Variants in ARHGAP15 observed in about 807,000 individuals in gnomAD.
ARHGAP15 encodes Rho GTPase activating protein 15.
Under a neutral mutation model 63.7 loss-of-function variants are expected in ARHGAP15, and 51 were observed. The observed-to-expected ratio is 0.80, with a 90% CI of 0.64 to 1.01. The LOEUF (loss-of-function observed/expected upper bound fraction) is 1.01, where lower values mean the gene tolerates loss of function less well. Among genes scored for constraint, ARHGAP15 ranks in the 50% least tolerant of loss-of-function variants. The pLI, the probability that ARHGAP15 is intolerant of heterozygous loss-of-function variation, is 0.00. For synonymous variants in ARHGAP15, 191 were observed against 193.8 expected, an observed-to-expected ratio of 0.99 and a Z score of 0.12; for missense variants, 560 against 564.6, an observed-to-expected ratio of 0.99 and a Z score of 0.08.
At chr2:143,687,861 G>T (rs1039908664) in intron 12 of ARHGAP15, among the ~76,000 whole-genome samples, 1 of 152,086 alleles carries the variant, frequency 6.6e-6, no homozygotes, top group Non-Finnish European at 1.5e-5. Context: ...TAACTTATCA[G>T]TTAATATTTT....
chr2:143,463,569 GA>G (rs1358464308), intron 8 of ARHGAP15, among the ~76,000 whole-genome samples: 1 of 151,822 alleles, frequency 6.6e-6, no homozygotes, highest in Non-Finnish European at 1.5e-5. Context: ...ATGTCTTATA[GA>G]TAGGGGTGTC....
intron 1 of ARHGAP15, among the ~76,000 whole-genome samples, chr2:143,132,748 C>T (rs891299429): frequency 6.6e-6 from 1 of 152,188 alleles, no homozygotes; most frequent in Admixed American, 6.5e-5. Context: ...CCTCAAAATT[C>T]TACTACGGAG....
chr2:143,136,838 G>T (rs1199831546), intron 1 of ARHGAP15, among the ~76,000 whole-genome samples: 1 of 151,850 alleles, frequency 6.6e-6, no homozygotes, highest in East Asian at 1.9e-4. Context: ...GAAATCTTAG[G>T]CTCTTATTGA....
At chr2:143,419,727 AAG>A (rs1287010561) in intron 6 of ARHGAP15, among the ~76,000 whole-genome samples, 4 of 152,078 alleles carry the variant, frequency 2.6e-5, no homozygotes, top group East Asian at 1.9e-4. Context: ...ATTAAATACT[AAG>A]AGGGATATTT....
chr2:143,513,911 A>G (rs1000994354), intron 9 of ARHGAP15, among the ~76,000 whole-genome samples: 10 of 152,150 alleles, frequency 6.6e-5, no homozygotes, highest in Admixed American at 2.0e-4. Flanking sequence ...GTGACCTTTC[A>G]CAAATAACTC....
At chr2:143,209,652 T>C (rs1429945451) in intron 3 of ARHGAP15, among the ~76,000 whole-genome samples, 3 of 151,974 alleles carry the variant, frequency 2.0e-5, no homozygotes, top group Non-Finnish European at 2.9e-5. Flanking sequence ...TTTTGCAAGA[T>C]TGATGGAGTT....
chr2:143,364,220 C>A (rs1265625187), intron 6 of ARHGAP15, among the ~76,000 whole-genome samples: 3 of 148,156 alleles, frequency 2.0e-5, no homozygotes, highest in South Asian at 2.3e-4. Context: ...AAAAAAAAAA[C>A]ATTCAATCAT....
chr2:143,344,637 C>T (rs761175742), intron 6 of ARHGAP15, among the ~76,000 whole-genome samples: 2 of 152,088 alleles, frequency 1.3e-5, no homozygotes, highest in African/African-American at 2.4e-5. Context: ...TTAGTAAATT[C>T]TGACCATTCC....
chr2:143,742,570 TGAAA>T (rs1477616782), intron 13 of ARHGAP15, among the ~76,000 whole-genome samples: 3 of 152,128 alleles, frequency 2.0e-5, no homozygotes, highest in African/African-American at 4.8e-5. Flanking sequence ...GAAACCAGAA[TGAAA>T]GAAAGGTTTA....
At chr2:143,319,235 T>C (rs1225201611) in intron 6 of ARHGAP15, among the ~76,000 whole-genome samples, 1 of 151,894 alleles carries the variant, frequency 6.6e-6, no homozygotes, top group Non-Finnish European at 1.5e-5. Context: ...CGCCTTTTTT[T>C]TTTTTTTAAT....
At position 143,425,046 on chromosome 2, in the gene ARHGAP15, A is replaced by C. The variant is rs1363413299; in HGVS notation, c.475-10555A>C. On this transcript the variant is annotated intron_variant, in intron 6 of 13. Transcript: ENST00000295095. ...TTGCCTTCAGCATTATCATAGTTTC[A>C]ACAATAAATTATATAGTCACCCTAC... Among the ~76,000 whole-genome samples, 7 of 152,248 alleles carry C rather than the reference A, an allele frequency of 4.6e-5. No individual in the cohort carries two copies. The South Asian group carries it at 1.2e-3, about 27-fold the overall frequency.
chr2:143,198,779 A>G (rs1213804159), intron 2 of ARHGAP15, among the ~76,000 whole-genome samples: 1 of 152,170 alleles, frequency 6.6e-6, no homozygotes, highest in Non-Finnish European at 1.5e-5. Context: ...TGCAACTGAC[A>G]TAGTTAAAGG....
intron 12 of ARHGAP15, 82 bp from the exon 13 acceptor site, chr2:143,703,337 T>C: frequency 2.7e-6 from 3 of 1,125,404 alleles, no homozygotes; most frequent in Non-Finnish European, 3.7e-6. Flanking sequence ...AGTCCAAAAT[T>C]TTCTCAAGAA....
chr2:143,722,716 G>A lies in ARHGAP15; in HGVS notation c.1244+19192G>A, dbSNP rs1193380608. 5.3e-5 allele frequency among the ~76,000 whole-genome samples: 8 copies of A among 152,230 alleles called. No individual in the cohort carries two copies. In the East Asian group the frequency reaches 1.5e-3, roughly 29 times the overall value. On this transcript the variant is annotated intron_variant, in intron 13 of 13. Transcript: ENST00000295095. Reference sequence around the variant, plus strand: ...AGAGTTGAGAAGTCTCCAGTGAAAGGTGGAGCTGGTGAGATTTGGATGTTC... The same window carrying A: ...AGAGTTGAGAAGTCTCCAGTGAAAGATGGAGCTGGTGAGATTTGGATGTTC...
Position 143,525,725 on chromosome 2 carries a change from G to A in ARHGAP15, c.925+6361G>A, listed in dbSNP as rs944988056. Among the ~76,000 whole-genome samples, 5 of 152,198 alleles carry A rather than the reference G, an allele frequency of 3.3e-5. No individual in the cohort carries two copies. The East Asian group carries it at 5.8e-4, about 18-fold the overall frequency. On this transcript the variant is annotated intron_variant, in intron 10 of 13. Transcript: ENST00000295095. ...GGAATTGGCTCTTTGGGGTAGTCAC[G>A]CTGGGGCCTCTGTGTCTGTAAGAAA...
intron 12 of ARHGAP15, among the ~76,000 whole-genome samples, chr2:143,700,286 T>A (rs1457030782): frequency 6.6e-6 from 1 of 152,196 alleles, no homozygotes; most frequent in Non-Finnish European, 1.5e-5. Context: ...AAAGTGTCCT[T>A]GCAAATCAGC....
intron 9 of ARHGAP15, among the ~76,000 whole-genome samples, chr2:143,500,098 C>G (rs1692985838): frequency 6.6e-6 from 1 of 151,632 alleles, no homozygotes; most frequent in African/African-American, 2.4e-5. Flanking sequence ...ATAATACAGC[C>G]CTTTTTCAAC....
At chr2:143,270,597 G>C (rs1681229065) in intron 6 of ARHGAP15, among the ~76,000 whole-genome samples, 1 of 152,090 alleles carries the variant, frequency 6.6e-6, no homozygotes, top group Admixed American at 6.5e-5. Flanking sequence ...ATGCTTATTT[G>C]TAATTACATA....
intron 12 of ARHGAP15, among the ~76,000 whole-genome samples, chr2:143,643,855 A>G (rs960114287): frequency 2.6e-5 from 4 of 152,114 alleles, no homozygotes; most frequent in African/African-American, 9.7e-5. Context: ...ATAGAAATGT[A>G]CTTGACAGAA....
Sources: allele counts gnomAD v4.1 joint callset (sites outside exome capture counted in the v4.1 genomes callset), GRCh38; gene constraint gnomAD v4.1.1; transcripts MANE v1.5; gene names NCBI Gene and HGNC (gene_info 2026-07-23, HGNC 2026-07-21).